PACS2: variants seen among roughly 807,000 people sequenced by gnomAD.
The protein encoded by PACS2 is PACS1-like protein.
Under a neutral mutation model 113.0 loss-of-function variants are expected in PACS2, and 36 were observed. That is an observed-to-expected ratio of 0.32 (90% confidence interval 0.24 to 0.42). The LOEUF (loss-of-function observed/expected upper bound fraction) is 0.42, where lower values mean the gene tolerates loss of function less well. Among genes scored for constraint, PACS2 ranks in the 10% least tolerant of loss-of-function variants. PACS2 has a pLI of 1.00. For synonymous variants in PACS2, 589 were observed against 536.1 expected, an observed-to-expected ratio of 1.10 and a Z score of -1.36; for missense variants, 1,015 against 1,239.5, an observed-to-expected ratio of 0.82 and a Z score of 2.72.
In PACS2 at chr14:105,362,151, G is replaced by A. The variant is rs587714315; in HGVS notation, c.424-5062G>A. ...AAAAAAGAATGGGCCAGGTGTGGTG[G>A]CTCACGCCTGTCATCCCAGCACTTT... On this transcript the variant is annotated intron_variant, in intron 4 of 24. Coordinates refer to ENST00000447393, the MANE Select transcript of PACS2 (RefSeq NM_001100913.3). Among the ~76,000 whole-genome samples, 94 of 152,018 alleles carry A rather than the reference G, an allele frequency of 6.2e-4. 1 individual carries two copies. The highest frequency in any genetic ancestry group is 1.8e-3 in the African/African-American group (76 of 41,446).
intron 19 of PACS2, among the ~76,000 whole-genome samples, chr14:105,388,435 TGAG>T (rs1555414104): frequency 1.3e-5 from 2 of 152,212 alleles, no homozygotes; most frequent in African/African-American, 4.8e-5. Flanking sequence ...GCAGGGCTCT[TGAG>T]GAGATAGCGC....
At position 105,382,450 on chromosome 14, in the gene PACS2, G is replaced by C. The variant is rs782646542; in HGVS notation, c.1414-27G>C. ...GGATGGGCGCTGTGCTTCTCTTCTG[G>C]GTGTGGACAGGGCTCTGTGCCTCCA... On this transcript the variant is annotated intron_variant, in intron 13 of 24. Coordinates refer to ENST00000447393, the MANE Select transcript of PACS2 (RefSeq NM_001100913.3). 14 of 1,329,612 alleles carry C rather than the reference G, an allele frequency of 1.1e-5. No homozygotes were observed. The East Asian group carries it at 3.0e-4, about 28-fold the overall frequency. The allele number at this position is 1,329,612 out of a possible 1,614,324, so 82.4% of individuals were successfully genotyped here. A position where few individuals can be genotyped will look rare whatever the true frequency, so the allele number is the denominator to read the frequency against.
chr14:105,385,838 T>G (rs1461380622), intron 19 of PACS2, 121 bp downstream of exon 19: 3 of 552,928 alleles, frequency 5.4e-6, no homozygotes, highest in Non-Finnish European at 8.8e-6. Context: ...AGTCAGGCCC[T>G]GAGGGCCACC....
chr14:105,395,018 C>A lies in PACS2; in HGVS notation c.*346C>A, dbSNP rs1170412849. ...GTCCTTCCTGGAAGTCAGGACTCTG[C>A]TTCCTCAGGGAGCCCGGGGAAGGCG... On this transcript the variant is annotated 3_prime_UTR_variant, in exon 25 of 25. Transcript: ENST00000447393. 5.5e-5 allele frequency: 14 copies of A among 252,758 alleles called. No individual in the cohort carries two copies. The highest frequency in any genetic ancestry group is 9.8e-5 in the Admixed American group (2 of 20,320). 15.7% of individuals were successfully genotyped at this position (252,758 alleles called of 1,614,324 possible). A position where few individuals can be genotyped will look rare whatever the true frequency, so the allele number is the denominator to read the frequency against.
At chr14:105,362,716 TGGCGG>T (rs1445528077) in intron 4 of PACS2, among the ~76,000 whole-genome samples, 2 of 151,952 alleles carry the variant, frequency 1.3e-5, no homozygotes, top group Non-Finnish European at 2.9e-5. Context: ...CCAGGCGTGG[TGGCGG>T]GCCCCTGTAA....
intron 8 of PACS2, among the ~76,000 whole-genome samples, chr14:105,374,235 G>A (rs1025572621): frequency 1.3e-5 from 2 of 152,022 alleles, no homozygotes; most frequent in African/African-American, 4.8e-5. Flanking sequence ...AAGAAAATGG[G>A]CCAATCTTAT....
chr14:105,364,335 CGG>C (rs1555407386), intron 4 of PACS2, among the ~76,000 whole-genome samples: 13 of 120,182 alleles, frequency 1.1e-4, no homozygotes, highest in African/African-American at 4.4e-4. Flanking sequence ...GGCGGCGGCC[CGG>C]GGGTGTGGTG....
At chr14:105,378,687 T>A (rs1486901136) in intron 9 of PACS2, among the ~76,000 whole-genome samples, 1 of 152,264 alleles carries the variant, frequency 6.6e-6, no homozygotes, top group East Asian at 1.9e-4. Context: ...ACTACAGGTG[T>A]GAGCCAGTGC....
In PACS2 at chr14:105,382,548, C is replaced by T; in HGVS notation, c.1485C>T (p.Ile495=). The T allele has an allele frequency of 6.2e-7, 1 of 1,612,260 alleles. No individual in the cohort carries two copies. The highest frequency in any genetic ancestry group is 8.5e-7 in the Non-Finnish European group (1 of 1,178,312). ...LISDDQLPEN[I]ILVNTSDWQG... is the part of the protein sequence containing the mutation. The stretch of plus-strand genomic sequence containing the variant: ...CCGATGACCAGCTTCCCGAAAACAT[C>T]ATCCTTGTCAACACCTCGGACTGGC... Residue 495 remains isoleucine, a synonymous_variant, in exon 14 of 25, where the codon ATC becomes ATT. Coordinates refer to ENST00000447393, the MANE Select transcript of PACS2 (RefSeq NM_001100913.3).
At chr14:105,375,127 C>A (rs188444860) in intron 8 of PACS2, among the ~76,000 whole-genome samples, 20 of 152,204 alleles carry the variant, frequency 1.3e-4, no homozygotes, top group Non-Finnish European at 2.1e-4. Flanking sequence ...GCGCTCTACC[C>A]TGGGCAACAA....
At position 105,329,159 on chromosome 14, in the gene PACS2, C is replaced by T. The variant is rs1317653456; in HGVS notation, c.119+14122C>T. On this transcript the variant is annotated intron_variant, in intron 1 of 24. Coordinates refer to ENST00000447393, the MANE Select transcript of PACS2 (RefSeq NM_001100913.3). This position sits in a 1 kb window ranked among gnomAD's most constrained non-coding sequence, Gnocchi z 6.4. The stretch of plus-strand genomic sequence containing the variant: ...GGCTACATCCTCTGGGGCTCTTCCT[C>T]ATCTGTCTGCAGAGGAGGCAGCTGT... Among the ~76,000 whole-genome samples, 5 of 152,212 alleles carry T rather than the reference C, an allele frequency of 3.3e-5. No homozygotes were observed. The highest frequency in any genetic ancestry group is 1.5e-5 in the Non-Finnish European group (1 of 68,026).
chr14:105,314,084 G>C (rs1219270248), upstream of PACS2, among the ~76,000 whole-genome samples: 1 of 152,268 alleles, frequency 6.6e-6, no homozygotes, highest in Admixed American at 6.5e-5. Flanking sequence ...GGCTAAGCTC[G>C]GCAGCCTGGC....
chr14:105,395,034 G>T lies in PACS2; in HGVS notation c.*362G>T. The T allele has an allele frequency of 4.1e-6, 1 of 243,420 alleles. No individual in the cohort carries two copies. The highest frequency in any genetic ancestry group is 1.1e-4 in the East Asian group (1 of 9,314). 15.1% of individuals were successfully genotyped at this position (243,420 alleles called of 1,614,324 possible). ...AGGACTCTGCTTCCTCAGGGAGCCC[G>T]GGGAAGGCGGAGCTCAGTGGCCACA... On this transcript the variant is annotated 3_prime_UTR_variant, in exon 25 of 25. Coordinates refer to ENST00000447393, the MANE Select transcript of PACS2 (RefSeq NM_001100913.3).
Position 105,355,659 on chromosome 14 carries a change from A to C in PACS2, c.423+482A>C, listed in dbSNP as rs2060414240. On this transcript the variant is annotated intron_variant, in intron 4 of 24. Transcript: ENST00000447393. This position sits in a 1 kb window ranked among gnomAD's most constrained non-coding sequence, Gnocchi z 4.1. ...AATACCCGAGCAGGGCGGGGGCAGC[A>C]CCCAGAGGTCAGAGGGGTGGCTGGA... Among the ~76,000 whole-genome samples, 1 of 152,208 alleles carries C rather than the reference A, an allele frequency of 6.6e-6. No individual in the cohort carries two copies. The highest frequency in any genetic ancestry group is 6.5e-5 in the Admixed American group (1 of 15,280).
intron 1 of PACS2, among the ~76,000 whole-genome samples, chr14:105,341,088 CG>C (rs2140962062): frequency 6.6e-6 from 1 of 152,322 alleles, no homozygotes; most frequent in East Asian, 1.9e-4. Context: ...GGGGAAGAAA[CG>C]GGGCTGGCGG....
chr14:105,367,914 G>C (rs1325485193), intron 5 of PACS2, among the ~76,000 whole-genome samples, 160 bp from the exon 6 acceptor site: 1 of 152,232 alleles, frequency 6.6e-6, no homozygotes, highest in Non-Finnish European at 1.5e-5. Flanking sequence ...GGACTCGGGG[G>C]CTCGGGGCCA....
rs782668646 is a variant in PACS2, at chr14:105,376,747, G to A, written c.802-21G>A. 5.0e-6 allele frequency: 8 copies of A among 1,609,694 alleles called. No homozygotes were observed. Among genetic ancestry groups the A allele is most frequent in the African/African-American group, 2.7e-5 (2 of 74,782 alleles). ...ATGTGGGCTGCTGCAGGGAACTCAC[G>A]CGTGCCTGGCACCCGTGCAGGTCCT... On this transcript the variant is annotated intron_variant, in intron 8 of 24. Coordinates refer to ENST00000447393, the MANE Select transcript of PACS2 (RefSeq NM_001100913.3). The surrounding 1 kb of genome is among the most constrained non-coding windows in gnomAD (Gnocchi z 4.7).
chr14:105,370,594 G>A (rs1555409145), intron 8 of PACS2: 1 of 152,264 alleles, frequency 6.6e-6, no homozygotes, highest in Admixed American at 6.5e-5. Flanking sequence ...TGCACCTGTA[G>A]TCCCAGCTAC....
intron 9 of PACS2, among the ~76,000 whole-genome samples, chr14:105,378,787 A>G (rs926034508): frequency 4.6e-5 from 7 of 152,200 alleles, no homozygotes; most frequent in Admixed American, 2.6e-4. Flanking sequence ...TTCTTCGTAC[A>G]TATTATATCA....
Sources: gnomAD v4.1 joint callset for allele counts (sites outside exome capture counted in the v4.1 genomes callset) on GRCh38, gnomAD v4.1.1 for gene constraint, Gnocchi (gnomAD v3.1) non-coding constraint, MANE v1.5 for transcripts, NCBI Gene and HGNC (gene_info 2026-07-23, HGNC 2026-07-21) for gene names.